Variants in HPSE2 observed in about 807,000 individuals in gnomAD.
HPSE2 encodes heparanase 2 (inactive).
HPSE2 carries 38 observed loss-of-function variants against 60.5 expected under a neutral mutation model. The ratio of observed to expected loss-of-function variants is 0.63; its 90% confidence interval spans 0.48 to 0.82. The LOEUF (loss-of-function observed/expected upper bound fraction) is 0.82. Ranked by LOEUF, HPSE2 falls within the 40% of genes least tolerant of loss-of-function variation. HPSE2 has a pLI of 0.00. For synonymous variants in HPSE2, 295 were observed against 293.2 expected, an observed-to-expected ratio of 1.01 and a Z score of -0.06; for missense variants, 713 against 740.4, an observed-to-expected ratio of 0.96 and a Z score of 0.43.
At chr10:98,509,876 A>G (rs1942330672) in intron 9 of HPSE2, among the ~76,000 whole-genome samples, 1 of 152,066 alleles carries the variant, frequency 6.6e-6, no homozygotes, top group Non-Finnish European at 1.5e-5. Context: ...CAACGGCAGC[A>G]TTTCTCTTCT....
intron 5 of HPSE2, among the ~76,000 whole-genome samples, chr10:98,717,347 A>C (rs1416055051): frequency 6.6e-6 from 1 of 152,120 alleles, no homozygotes; most frequent in Non-Finnish European, 1.5e-5. Context: ...TAGCACTTTT[A>C]ATTTCCTTCA....
At chr10:99,069,953 G>A (rs552741289) in intron 3 of HPSE2, among the ~76,000 whole-genome samples, 23 of 152,186 alleles carry the variant, frequency 1.5e-4, no homozygotes, top group Middle Eastern at 3.4e-3. Flanking sequence ...AAGAGTCTGC[G>A]TATCTAGGCA....
At chr10:98,597,801 T>A (rs1945284699) in intron 9 of HPSE2, among the ~76,000 whole-genome samples, 1 of 151,650 alleles carries the variant, frequency 6.6e-6, no homozygotes. Context: ...TGAGACCCCG[T>A]CTCTACTAAA....
At chr10:99,204,597 A>T (rs779225465) in intron 2 of HPSE2, among the ~76,000 whole-genome samples, 1 of 152,238 alleles carries the variant, frequency 6.6e-6, no homozygotes, top group Non-Finnish European at 1.5e-5. Flanking sequence ...CCTGATAAAT[A>T]ATTTAAAGTA....
chr10:98,545,879 G>T (rs1378285070), intron 9 of HPSE2, among the ~76,000 whole-genome samples: 1 of 151,378 alleles, frequency 6.6e-6, no homozygotes, highest in Admixed American at 6.6e-5. Context: ...GTTTACAGAT[G>T]ACATGATTGT....
At chr10:98,558,797 A>T (rs1257865077) in intron 9 of HPSE2, among the ~76,000 whole-genome samples, 1 of 152,194 alleles carries the variant, frequency 6.6e-6, no homozygotes, top group Non-Finnish European at 1.5e-5. Context: ...CTTGTTTCCA[A>T]TATCTCACGA....
intron 9 of HPSE2, among the ~76,000 whole-genome samples, chr10:98,528,704 T>C (rs1007334127): frequency 6.6e-6 from 1 of 152,212 alleles, no homozygotes; most frequent in Non-Finnish European, 1.5e-5. Flanking sequence ...TGTCCTATTA[T>C]GTGTCAGCCG....
intron 3 of HPSE2, among the ~76,000 whole-genome samples, chr10:98,864,795 C>T (rs1952548132): frequency 6.6e-6 from 1 of 152,098 alleles, no homozygotes; most frequent in Non-Finnish European, 1.5e-5. Context: ...GTTTTGCTGG[C>T]TTGGTATAGA....
In HPSE2 at chr10:98,737,201, T is replaced by A. The variant is rs187073811; in HGVS notation, c.784+6682A>T. Among the ~76,000 whole-genome samples, 450 of 152,262 alleles carry A rather than the reference T, an allele frequency of 3.0e-3. 13 individuals are homozygous for A. The highest frequency in any genetic ancestry group is 5.1e-3 in the Admixed American group (78 of 15,284). Reference sequence around the variant, plus strand: ...AATATGTGTGAAGACTGTGACTGAATCTTATGTTTGGCTTTCACCTGTTAT... The same window carrying A: ...AATATGTGTGAAGACTGTGACTGAAACTTATGTTTGGCTTTCACCTGTTAT... On this transcript the variant is annotated intron_variant, in intron 4 of 11. Transcript: ENST00000370552.
chr10:99,292,891 G>C, the HPSE2 span, among the ~76,000 whole-genome samples: 1 of 151,918 alleles, frequency 6.6e-6, no homozygotes, highest in Non-Finnish European at 1.5e-5. Context: ...AACTTCTTTT[G>C]ATAAACATAA....
intron 9 of HPSE2, among the ~76,000 whole-genome samples, chr10:98,563,728 T>A (rs1404010738): frequency 6.6e-6 from 1 of 152,184 alleles, no homozygotes; most frequent in East Asian, 1.9e-4. Context: ...TTTTTTTCTG[T>A]ATATCCACAT....
chr10:98,896,080 T>A (rs2134958575), intron 3 of HPSE2, among the ~76,000 whole-genome samples: 1 of 151,442 alleles, frequency 6.6e-6, no homozygotes, highest in South Asian at 2.1e-4. Flanking sequence ...AAACTTAAAG[T>A]ATAATAATAA....
chr10:98,809,305 T>G (rs923595160), intron 3 of HPSE2, among the ~76,000 whole-genome samples: 3 of 152,080 alleles, frequency 2.0e-5, no homozygotes, highest in Non-Finnish European at 2.9e-5. Flanking sequence ...CATTATATAA[T>G]TCTCTCTACT....
chr10:99,146,728 GCA>G (rs1483548551), intron 2 of HPSE2, among the ~76,000 whole-genome samples: 2 of 152,188 alleles, frequency 1.3e-5, no homozygotes, highest in African/African-American at 4.8e-5. Context: ...GGGCGTGGTG[GCA>G]CACGCCTGTA....
intron 3 of HPSE2, among the ~76,000 whole-genome samples, chr10:98,871,099 C>A (rs977101344): frequency 6.6e-6 from 1 of 152,028 alleles, no homozygotes; most frequent in African/African-American, 2.4e-5. Flanking sequence ...GTACAGCCTG[C>A]AGAACCAAGA....
intron 3 of HPSE2, among the ~76,000 whole-genome samples, chr10:98,756,909 C>T (rs80223117): frequency 5.3e-5 from 8 of 152,106 alleles, no homozygotes; most frequent in Non-Finnish European, 1.2e-4. Flanking sequence ...CTCTAATGAA[C>T]ATAGATGCAA....
rs1329843477 is a variant in HPSE2, at chr10:98,941,612, C to G, written c.611-197556G>C. On this transcript the variant is annotated intron_variant, in intron 3 of 11. Coordinates refer to ENST00000370552, the MANE Select transcript of HPSE2 (RefSeq NM_021828.5). ...AACAAATGGAAGAACATTCCATGCT[C>G]ATGGATAGGAAGAATCAATATCGTG... Among the ~76,000 whole-genome samples, 21 of 139,516 alleles carry G rather than the reference C, an allele frequency of 1.5e-4. 3 individuals carry two copies. Among genetic ancestry groups the G allele is most frequent in the Admixed American group, 9.3e-4 (13 of 13,930 alleles). 91.5% of individuals were successfully genotyped at this position (139,516 alleles called of 152,430 possible). A position where few individuals can be genotyped will look rare whatever the true frequency, so the allele number is the denominator to read the frequency against.
intron 2 of HPSE2, among the ~76,000 whole-genome samples, chr10:99,220,815 A>C (rs2133929281): frequency 6.6e-6 from 1 of 151,868 alleles, no homozygotes; most frequent in East Asian, 2.0e-4. Context: ...CTCAAAAAAA[A>C]AAAAAAAAGT....
intron 3 of HPSE2, among the ~76,000 whole-genome samples, chr10:99,098,425 G>A (rs1843799699): frequency 6.6e-6 from 1 of 152,152 alleles, no homozygotes; most frequent in South Asian, 2.1e-4. Context: ...GCTGAGAGAT[G>A]ACTGTATATT....
Sources: allele counts gnomAD v4.1 joint callset (sites outside exome capture counted in the v4.1 genomes callset), GRCh38; gene constraint gnomAD v4.1.1; transcripts MANE v1.5; gene names NCBI Gene and HGNC (gene_info 2026-07-23, HGNC 2026-07-21).